Variants in PDE4B observed in about 807,000 individuals in gnomAD.
PDE4B encodes 3',5'-cyclic-AMP phosphodiesterase 4B.
In PDE4B, 20 loss-of-function variants were observed where a neutral mutation model predicts 82.2. The observed-to-expected ratio is 0.24, with a 90% CI of 0.17 to 0.35. The LOEUF is 0.35. Ranked by LOEUF, PDE4B falls within the 10% of genes least tolerant of loss-of-function variation. The probability of loss-of-function intolerance (pLI) is 1.00; values close to 1 mark genes in which losing one functional copy is unlikely to be tolerated. For missense variants in PDE4B, 655 were observed against 907.2 expected, an observed-to-expected ratio of 0.72 and a Z score of 3.57; for synonymous variants, 320 against 318.9, an observed-to-expected ratio of 1.00 and a Z score of -0.04.
intron 10 of PDE4B, 33 bp downstream of exon 10, chr1:66,361,826 T>C (rs996178610): frequency 6.4e-7 from 1 of 1,563,188 alleles, no homozygotes; most frequent in Non-Finnish European, 8.7e-7. Context: ...TGCATGTAGC[T>C]CTCTGCTTTA....
chr1:65,890,945 C>A (rs138255606), intron 1 of PDE4B, among the ~76,000 whole-genome samples: 283 of 152,056 alleles, frequency 1.9e-3, no homozygotes, highest in African/African-American at 6.4e-3. Context: ...GATTTATGTT[C>A]CAACCTTTGT....
intron 7 of PDE4B, among the ~76,000 whole-genome samples, chr1:66,324,365 C>A (rs1257719529): frequency 6.6e-6 from 1 of 152,110 alleles, no homozygotes; most frequent in African/African-American, 2.4e-5. Flanking sequence ...TCCCTCCCTC[C>A]CAGCCGCATC....
intron 7 of PDE4B, among the ~76,000 whole-genome samples, chr1:66,271,599 A>G (rs186934153): frequency 1.3e-5 from 2 of 152,332 alleles, no homozygotes; most frequent in East Asian, 3.9e-4. Flanking sequence ...TAGCAGACCT[A>G]TCTCCAAACA....
intron 1 of PDE4B, among the ~76,000 whole-genome samples, chr1:65,907,092 T>C (rs1176119857): frequency 3.3e-5 from 5 of 152,168 alleles, no homozygotes; most frequent in Admixed American, 1.3e-4. Flanking sequence ...TTACATATAC[T>C]TTTTTCCCCT....
chr1:66,287,824 G>A (rs915028343), intron 7 of PDE4B, among the ~76,000 whole-genome samples: 17 of 152,000 alleles, frequency 1.1e-4, no homozygotes, highest in African/African-American at 3.9e-4. Context: ...CTTTATAAAA[G>A]TAGCTGAGCA....
intron 8 of PDE4B, among the ~76,000 whole-genome samples, chr1:66,338,062 C>A (rs1660661990): frequency 6.6e-6 from 1 of 152,228 alleles, no homozygotes; most frequent in Admixed American, 6.5e-5. Context: ...AACAACAGAA[C>A]TACCTTTACA....
intron 3 of PDE4B, among the ~76,000 whole-genome samples, chr1:66,093,761 A>G (rs1326163826): frequency 2.0e-5 from 3 of 152,070 alleles, no homozygotes; most frequent in South Asian, 2.1e-4. Context: ...ATGCTTAGCA[A>G]TCATTTTGAA....
intron 3 of PDE4B, among the ~76,000 whole-genome samples, chr1:66,163,280 G>T (rs192163483): frequency 7.8e-4 from 119 of 152,264 alleles, no homozygotes; most frequent in Middle Eastern, 6.8e-3. Context: ...CCCATACACT[G>T]ATGTTTGTTG....
intron 3 of PDE4B, among the ~76,000 whole-genome samples, chr1:65,934,832 T>C (rs896009280): frequency 3.3e-5 from 5 of 152,164 alleles, no homozygotes; most frequent in Non-Finnish European, 4.4e-5. Context: ...ATAACACTTA[T>C]ATGTACCCAA....
intron 8 of PDE4B, 73 bp downstream of exon 8, chr1:66,332,693 A>T: frequency 8.2e-7 from 1 of 1,212,464 alleles, no homozygotes; most frequent in Non-Finnish European, 1.2e-6. Context: ...CCCTGTCTGC[A>T]GCAGAGTGCA....
At chr1:66,033,948 C>G (rs1443274488) in intron 3 of PDE4B, among the ~76,000 whole-genome samples, 1 of 152,074 alleles carries the variant, frequency 6.6e-6, no homozygotes, top group Non-Finnish European at 1.5e-5. Flanking sequence ...CTTGACTAAC[C>G]CAGTGACACA....
chr1:66,187,617 G>A (rs1406254175), intron 3 of PDE4B, among the ~76,000 whole-genome samples: 1 of 152,232 alleles, frequency 6.6e-6, no homozygotes, highest in Admixed American at 6.5e-5. Flanking sequence ...TAGTTTATTT[G>A]CGTAGAGGTG....
intron 1 of PDE4B, among the ~76,000 whole-genome samples, chr1:65,824,635 TTATATATATACAAATATATACATACATA>T (rs1645993689): frequency 6.7e-6 from 1 of 149,406 alleles, no homozygotes; most frequent in Non-Finnish European, 1.5e-5. Flanking sequence ...ACATATATAT[TTATATATATACAAATATATACATACATA>T]TATATATATA....
At chr1:66,255,016 C>A (rs1297328305) in intron 4 of PDE4B, among the ~76,000 whole-genome samples, 4 of 151,746 alleles carry the variant, frequency 2.6e-5, no homozygotes, top group African/African-American at 9.7e-5. Context: ...CTCTCTTTTT[C>A]TTTTCTTTTC....
chr1:66,202,814 G>C (rs1201339394), intron 3 of PDE4B, among the ~76,000 whole-genome samples: 1 of 152,030 alleles, frequency 6.6e-6, no homozygotes, highest in Non-Finnish European at 1.5e-5. Context: ...TTGCCAGTCT[G>C]TGTCTTTTAA....
chr1:66,157,187 C>T (rs893806774), intron 3 of PDE4B, among the ~76,000 whole-genome samples: 9 of 152,170 alleles, frequency 5.9e-5, no homozygotes, highest in Admixed American at 3.9e-4. Context: ...GATGTCATCC[C>T]TAAGTCCTCT....
chr1:65,880,069 T>C (rs1276796723), intron 1 of PDE4B, among the ~76,000 whole-genome samples: 1 of 152,210 alleles, frequency 6.6e-6, no homozygotes, highest in Non-Finnish European at 1.5e-5. Flanking sequence ...GATGTGTCTG[T>C]GTCTGGCTTG....
intron 3 of PDE4B, among the ~76,000 whole-genome samples, chr1:66,244,917 C>T (rs1481242249): frequency 6.6e-6 from 1 of 152,126 alleles, no homozygotes; most frequent in African/African-American, 2.4e-5. Flanking sequence ...GACAGAATGC[C>T]TATGACACTC....
At chr1:66,098,167 A>G (rs1228345934) in intron 3 of PDE4B, among the ~76,000 whole-genome samples, 1 of 152,116 alleles carries the variant, frequency 6.6e-6, no homozygotes, top group African/African-American at 2.4e-5. Context: ...ACAATTGCAT[A>G]TCAATCTTCA....
Sources: gnomAD v4.1 joint callset for allele counts (sites outside exome capture counted in the v4.1 genomes callset) on GRCh38, gnomAD v4.1.1 for gene constraint, MANE v1.5 for transcripts, NCBI Gene and HGNC (gene_info 2026-07-23, HGNC 2026-07-21) for gene names.